FREM3: variants seen among roughly 807,000 people sequenced by gnomAD.
FREM3 encodes the protein FRAS1-related extracellular matrix protein 3.
FREM3 carries 105 observed loss-of-function variants against 129.1 expected under a neutral mutation model. That is an observed-to-expected ratio of 0.81 (90% confidence interval 0.69 to 0.96). The LOEUF (loss-of-function observed/expected upper bound fraction) is 0.96, where lower values mean the gene tolerates loss of function less well. FREM3 is among the 40% of genes least tolerant of loss of function. FREM3 has a pLI of 0.00. For synonymous variants in FREM3, 1,014 were observed against 1,044.9 expected (o/e 0.97, Z 0.57); for missense variants, 2,593 against 2,666.3 (o/e 0.97, Z 0.61).
intron 2 of FREM3, among the ~76,000 whole-genome samples, chr4:143,635,588 T>TG (rs1248384839): frequency 1.3e-5 from 2 of 152,142 alleles, no homozygotes; most frequent in East Asian, 3.9e-4. Flanking sequence ...AAATGTCCCC[T>TG]GGGGGGAAAT....
chr4:143,648,802 G>A (rs764230478), intron 2 of FREM3, among the ~76,000 whole-genome samples: 34 of 152,106 alleles, frequency 2.2e-4, no homozygotes, highest in Non-Finnish European at 2.9e-4. Context: ...CTGTTCTCTC[G>A]CGCAGGCTGG....
In FREM3 at chr4:143,595,698, T is replaced by C. The variant is rs112645478; in HGVS notation, c.6029-9705A>G. 4.3e-3 allele frequency among the ~76,000 whole-genome samples: 655 copies of C among 152,050 alleles called. 5 individuals are homozygous for C. The highest frequency in any genetic ancestry group is 0.013 in the African/African-American group (521 of 41,474). ...GTCTGCAGATCAAGACCATCCTGGCTAACACGGTGAAACCCCGTCTCTACT... is the reference window on the plus strand; with the variant it reads ...GTCTGCAGATCAAGACCATCCTGGCCAACACGGTGAAACCCCGTCTCTACT... On this transcript the variant is annotated intron_variant, in intron 6 of 7. Transcript: ENST00000329798.
chr4:143,624,407 G>A (rs1036297659), intron 3 of FREM3, 69 bp from the exon 4 acceptor site: 12 of 925,350 alleles, frequency 1.3e-5, no homozygotes, highest in Non-Finnish European at 1.8e-5. Context: ...TTTCAAAGTG[G>A]TTTCTATTGT....
intron 2 of FREM3, among the ~76,000 whole-genome samples, chr4:143,643,595 A>AT (rs944883681): frequency 1.6e-4 from 25 of 151,528 alleles, no homozygotes; most frequent in Non-Finnish European, 2.8e-4. Context: ...CACTTGTGGG[A>AT]TTTTTTTTTA....
At chr4:143,694,584 TA>T (rs2149863433) in intron 1 of FREM3, among the ~76,000 whole-genome samples, 1 of 152,364 alleles carries the variant, frequency 6.6e-6, no homozygotes, top group African/African-American at 2.4e-5. Flanking sequence ...GTTTAAAGTT[TA>T]TATAAGTTTA....
chr4:143,601,997 T>A (rs928142722), intron 6 of FREM3: 14 of 152,162 alleles, frequency 9.2e-5, no homozygotes, highest in Non-Finnish European at 1.9e-4. Flanking sequence ...AACTTGGGTA[T>A]ATCTTTAGGT....
At chr4:143,637,998 T>C (rs758019394) in intron 2 of FREM3, among the ~76,000 whole-genome samples, 1 of 152,148 alleles carries the variant, frequency 6.6e-6, no homozygotes, top group Non-Finnish European at 1.5e-5. Context: ...TTTTTGGAGA[T>C]GTACCCAAAC....
At position 143,636,214 on chromosome 4, in the gene FREM3, G is replaced by GA. The variant is rs944690721; in HGVS notation, c.5276-8455dup. The stretch of plus-strand genomic sequence containing the variant: ...AAAATTGATGTCCTAATGTTCTAAA[G>GA]AAAAAAAAAGAAAGGAAAACATATA... On this transcript the variant is annotated intron_variant, in intron 2 of 7. Transcript: ENST00000329798. Among the ~76,000 whole-genome samples, 16 of 138,064 alleles carry GA rather than the reference G, an allele frequency of 1.2e-4. No homozygotes were observed. The South Asian group carries it at 2.5e-3, about 22-fold the overall frequency. The allele number at this position is 138,064 out of a possible 152,430, so 90.6% of individuals were successfully genotyped here.
At chr4:143,588,889 A>T (rs1366016681) in intron 6 of FREM3, among the ~76,000 whole-genome samples, 2 of 150,604 alleles carry the variant, frequency 1.3e-5, no homozygotes, top group East Asian at 1.9e-4. Flanking sequence ...ATTTCTCCAC[A>T]TCCTCTCCAG....
intron 2 of FREM3, among the ~76,000 whole-genome samples, chr4:143,660,196 T>A (rs1189176675): frequency 1.3e-5 from 2 of 148,178 alleles, no homozygotes; most frequent in African/African-American, 5.3e-5. Context: ...GGTTTTCTTC[T>A]AGGGTTTTTA....
chr4:143,579,524 C>T (rs1738097033), intron 7 of FREM3, among the ~76,000 whole-genome samples: 1 of 152,186 alleles, frequency 6.6e-6, no homozygotes, highest in Admixed American at 6.5e-5. Context: ...GGTTTTGTAT[C>T]TCATGGACTT....
intron 3 of FREM3, among the ~76,000 whole-genome samples, chr4:143,625,911 G>A (rs978740304): frequency 1.3e-5 from 2 of 152,120 alleles, no homozygotes; most frequent in East Asian, 1.9e-4. Context: ...TCATTATTAC[G>A]AATTCCCCTC....
intron 1 of FREM3, among the ~76,000 whole-genome samples, chr4:143,694,788 T>C (rs1039630859): frequency 1.4e-4 from 22 of 152,138 alleles, no homozygotes; most frequent in African/African-American, 4.6e-4. Flanking sequence ...TTTTTAAACA[T>C]GTGTAAGTTT....
rs1159875387 is a variant in FREM3, at chr4:143,698,956, A to T, written c.1720T>A (p.Ser574Thr). 6.5e-7 allele frequency: 1 copy of T among 1,537,206 alleles called. No homozygotes were observed. Among genetic ancestry groups the T allele is most frequent in the South Asian group, 1.2e-5 (1 of 84,060 alleles). ...ACAAAGTGGATGGTTGAGTCCTCAG[A>T]GTCAATATCAGTAGCACTCAGTACA... ...PFVLSATDID[S>T]EDSTIHFVLE... The change falls in exon 1 of 8, where the codon TCT becomes ACT. Residue 574 changes from serine (S) to threonine (T), a missense_variant. Ser to Thr is a moderately conservative substitution (Grantham distance 58, BLOSUM62 1). This residue lies in a region of FREM3 where 2,276 missense variants were observed against 2,267.2 expected (regional missense o/e 1.00). Coordinates refer to ENST00000329798, the MANE Select transcript of FREM3 (RefSeq NM_001168235.2).
At chr4:143,691,583 C>T (rs1314651551) in intron 2 of FREM3, among the ~76,000 whole-genome samples, 2 of 152,122 alleles carry the variant, frequency 1.3e-5, no homozygotes, top group East Asian at 3.8e-4. Flanking sequence ...GTTTACTTGC[C>T]TATTACTTGT....
At position 143,697,175 on chromosome 4, in the gene FREM3, G is replaced by C. The variant is rs148687923; in HGVS notation, c.3501C>G (p.Thr1167=). The change falls in exon 1 of 8, where the codon ACC becomes ACG. Residue 1167 remains threonine, a synonymous_variant. Coordinates refer to ENST00000329798, the MANE Select transcript of FREM3 (RefSeq NM_001168235.2). ...KGVEPQEDQF[T]FYCSDGINFS... ...AGTTGATGCCATCAGAGCAATAAAA[G>C]GTGAATTGGTCCTCTTGTGGCTCTA... The C allele has an allele frequency of 6.5e-7, 1 of 1,537,890 alleles. No homozygotes were observed. Among genetic ancestry groups the C allele is most frequent in the African/African-American group, 1.4e-5 (1 of 73,168 alleles).
intron 2 of FREM3, among the ~76,000 whole-genome samples, chr4:143,669,720 A>T: frequency 6.6e-6 from 1 of 151,792 alleles, no homozygotes; most frequent in Non-Finnish European, 1.5e-5. Flanking sequence ...GTATACAAAC[A>T]TCAGCTTCCA....
In FREM3 at chr4:143,621,070, G is replaced by A. The variant is rs1008003503; in HGVS notation, c.5746C>T (p.Gln1916Ter). 4.6e-6 allele frequency: 7 copies of A among 1,537,094 alleles called. No individual in the cohort carries two copies. Among genetic ancestry groups the A allele is most frequent in the Non-Finnish European group, 6.1e-6 (7 of 1,146,882 alleles). Reference sequence around the variant, plus strand: ...GTGGAGCAAATGACGATTAGTTCCTGGCTTGCATCTCCAGATCGTCTTACT... The same window carrying A: ...GTGGAGCAAATGACGATTAGTTCCTAGCTTGCATCTCCAGATCGTCTTACT... ...IPVRRSGDAS[Q>*]ELIVICSTRQ... Residue 1916 changes from glutamine (Q) to a stop codon, truncating the protein, a stop_gained, in exon 5 of 8, where the codon CAG (glutamine) becomes TAG (stop). Coordinates refer to ENST00000329798, the MANE Select transcript of FREM3 (RefSeq NM_001168235.2). LOFTEE classifies it high-confidence loss of function.
rs1176599423 is a variant in FREM3, at chr4:143,577,797, G to T, written c.6234C>A (p.Arg2078=). ...GGATGGTCACTTGGAATGTCTGCAT[G>T]CGCACGCCTGGAGCAAAGTCCAGGT... The part of the protein sequence containing the change: ...SRNLDFAPGV[R]MQTFQVTILD... The change falls in exon 8 of 8, where the codon CGC becomes CGA. Residue 2078 remains arginine, a synonymous_variant. Coordinates refer to ENST00000329798, the MANE Select transcript of FREM3 (RefSeq NM_001168235.2). 12 of 1,537,172 alleles carry T rather than the reference G, an allele frequency of 7.8e-6. No homozygotes were observed. The highest frequency in any genetic ancestry group is 9.6e-6 in the Non-Finnish European group (11 of 1,146,910).
Sources: allele counts gnomAD v4.1 joint callset (sites outside exome capture counted in the v4.1 genomes callset), GRCh38; gene constraint gnomAD v4.1.1; regional missense constraint gnomAD v4.1.1; transcripts MANE v1.5; gene names NCBI Gene and HGNC (gene_info 2026-07-23, HGNC 2026-07-21).